SGCB: variants seen among roughly 807,000 people sequenced by gnomAD.
SGCB encodes beta-sarcoglycan.
In SGCB, 25 loss-of-function variants were observed where a neutral mutation model predicts 27.3. The observed-to-expected ratio is 0.92, with a 90% CI of 0.67 to 1.28. The LOEUF (loss-of-function observed/expected upper bound fraction) is 1.28, where lower values mean the gene tolerates loss of function less well. Among genes scored for constraint, SGCB ranks in the 50% most tolerant of loss-of-function variants. The probability of loss-of-function intolerance (pLI) is 0.00; values close to 1 mark genes in which losing one functional copy is unlikely to be tolerated. For missense variants in SGCB, 436 were observed against 402.1 expected (o/e 1.08, Z -0.72); for synonymous variants, 147 against 133.5 (o/e 1.10, Z -0.70).
rs541129158 is a variant in SGCB, at chr4:52,034,331, C to CAAAAAAAAAAAAAAA, written c.34-706_34-692dup. 1.5e-4 allele frequency among the ~76,000 whole-genome samples: 4 copies of CAAAAAAAAAAAAAAA among 26,516 alleles called. 1 individual carries two copies. The highest frequency in any genetic ancestry group is 2.9e-4 in the African/African-American group (2 of 6,992). 17.4% of individuals were successfully genotyped at this position (26,516 alleles called of 152,430 possible). A position where few individuals can be genotyped will look rare whatever the true frequency, so the allele number is the denominator to read the frequency against. ...TGGGCGACAGAGCGAGACTCCGTCT[C>CAAAAAAAAAAAAAAA]AAAAAAAAAAAAAAAAAAAAAAAAA... is the stretch of plus-strand genomic sequence containing the variant. On this transcript the variant is annotated intron_variant, in intron 1 of 5. Transcript: ENST00000381431.
Position 52,038,256 on chromosome 4 carries a change from C to T in SGCB, c.4G>A (p.Ala2Thr). 3 of 1,298,364 alleles carry T rather than the reference C, an allele frequency of 2.3e-6. No individual in the cohort carries two copies. The highest frequency in any genetic ancestry group is 6.5e-5 in the East Asian group (2 of 30,650). 80.4% of individuals were successfully genotyped at this position (1,298,364 alleles called of 1,614,324 possible). ...TCTGCAGCCGCCGCCGCCGCTGCCG[C>T]CATCTTCCCGCGCCCGCCGCCGCCG... M[A>T]AAAAAAAEQQ... The change falls in exon 1 of 6, where the codon GCG (alanine) becomes ACG (threonine). Residue 2 changes from alanine to threonine, a missense_variant. By Grantham distance (58) the Ala-to-Thr change is moderately conservative (BLOSUM62 0). Coordinates refer to ENST00000381431, the MANE Select transcript of SGCB (RefSeq NM_000232.5).
rs541129158 is a variant in SGCB, at chr4:52,034,331, C to CAAAAA, written c.34-696_34-692dup. On this transcript the variant is annotated intron_variant, in intron 1 of 5. Coordinates refer to ENST00000381431, the MANE Select transcript of SGCB (RefSeq NM_000232.5). ...TGGGCGACAGAGCGAGACTCCGTCT[C>CAAAAA]AAAAAAAAAAAAAAAAAAAAAAAAA... Among the ~76,000 whole-genome samples the CAAAAA allele has an allele frequency of 6.4e-4, 17 of 26,516 alleles. 4 individuals are homozygous for CAAAAA. Among genetic ancestry groups the CAAAAA allele is most frequent in the South Asian group, 5.5e-3 (2 of 364 alleles). 17.4% of individuals were successfully genotyped at this position (26,516 alleles called of 152,430 possible).
rs541129158 is a variant in SGCB at position 52,034,331 on chromosome 4, CAAAAAAAAAAAAAAAAAA to C, written c.34-709_34-692del. Reference sequence around the variant, plus strand: ...TGGGCGACAGAGCGAGACTCCGTCTCAAAAAAAAAAAAAAAAAAAAAAAAAAAAAAAAAAAAAAAAAAA... The same window carrying C: ...TGGGCGACAGAGCGAGACTCCGTCTCAAAAAAAAAAAAAAAAAAAAAAAAA... On this transcript the variant is annotated intron_variant, in intron 1 of 5. Transcript: ENST00000381431. Among the ~76,000 whole-genome samples the C allele has an allele frequency of 2.5e-3, 65 of 26,436 alleles. 2 individuals carry two copies. Among genetic ancestry groups the C allele is most frequent in the African/African-American group, 3.9e-3 (27 of 6,954 alleles). 17.3% of individuals were successfully genotyped at this position (26,436 alleles called of 152,430 possible).
At chr4:52,029,657 T>C in intron 3 of SGCB, 21 bp downstream of exon 3, 3 of 1,566,554 alleles carry the variant, frequency 1.9e-6, no homozygotes, top group Non-Finnish European at 2.6e-6. Context: ...TGCATTTCTT[T>C]CAGTTAATGT....
At chr4:52,036,028 G>A (rs1737382628) in intron 1 of SGCB, among the ~76,000 whole-genome samples, 1 of 152,156 alleles carries the variant, frequency 6.6e-6, no homozygotes, top group Non-Finnish European at 1.5e-5. Flanking sequence ...CCCTCAAGGA[G>A]CTTAATTACA....
chr4:52,032,674 C>T (rs1386407760), intron 2 of SGCB, among the ~76,000 whole-genome samples: 2 of 152,086 alleles, frequency 1.3e-5, no homozygotes, highest in African/African-American at 4.8e-5. Flanking sequence ...AAAAAGACTG[C>T]CTTGCATGCA....
At position 52,034,642 on chromosome 4, in the gene SGCB, G is replaced by A. The variant is rs560055672; in HGVS notation, c.34-1002C>T. Among the ~76,000 whole-genome samples the A allele has an allele frequency of 1.6e-4, 25 of 152,068 alleles. No individual in the cohort carries two copies. In the South Asian group the frequency reaches 3.7e-3, roughly 23 times the overall value. Reference sequence around the variant, plus strand: ...TCCCCCATAGATATTGAGGGACAACGGTATATATTTTCATTTATATGAAAA... The same window carrying A: ...TCCCCCATAGATATTGAGGGACAACAGTATATATTTTCATTTATATGAAAA... On this transcript the variant is annotated intron_variant, in intron 1 of 5. Coordinates refer to ENST00000381431, the MANE Select transcript of SGCB (RefSeq NM_000232.5).
intron 2 of SGCB, 101 bp downstream of exon 2, chr4:52,033,330 G>T: frequency 1.3e-6 from 1 of 755,840 alleles, no homozygotes; most frequent in South Asian, 1.5e-5. Context: ...TAAGAGACAA[G>T]ACATGTATAG....
chr4:52,034,560 A>G (rs539707150), intron 1 of SGCB, among the ~76,000 whole-genome samples: 1 of 151,984 alleles, frequency 6.6e-6, no homozygotes, highest in East Asian at 1.9e-4. Context: ...GCACCACTTT[A>G]TATAAGGGAC....
rs886059433 is a variant in SGCB, at chr4:52,022,839, C to A, written c.*1118G>T. 1 of 152,180 alleles carries A rather than the reference C, an allele frequency of 6.6e-6. No individual in the cohort carries two copies. The highest frequency in any genetic ancestry group is 1.5e-5 in the Non-Finnish European group (1 of 68,030). The allele number at this position is 152,180 out of a possible 1,614,324, so 9.4% of individuals were successfully genotyped here. A position where few individuals can be genotyped will look rare whatever the true frequency, so the allele number is the denominator to read the frequency against. On this transcript the variant is annotated 3_prime_UTR_variant, in exon 6 of 6. Coordinates refer to ENST00000381431, the MANE Select transcript of SGCB (RefSeq NM_000232.5). Reference sequence around the variant, plus strand: ...GTAACTCAGAAGTAGGTAAATTTGACCTCTCCATCGTATAATATTTTGGAA... The same window carrying A: ...GTAACTCAGAAGTAGGTAAATTTGAACTCTCCATCGTATAATATTTTGGAA...
chr4:52,034,587 T>C (rs1476945298), intron 1 of SGCB, among the ~76,000 whole-genome samples: 1 of 151,966 alleles, frequency 6.6e-6, no homozygotes, highest in Non-Finnish European at 1.5e-5. Context: ...ATCAATGGAT[T>C]TGGCTATCCT....
intron 5 of SGCB, among the ~76,000 whole-genome samples, chr4:52,024,665 A>G (rs961902705): frequency 5.3e-5 from 8 of 151,932 alleles, no homozygotes; most frequent in Non-Finnish European, 1.0e-4. Flanking sequence ...CGTCTCTACT[A>G]AAAATACAAA....
At chr4:52,031,335 T>C (rs185795268) in intron 2 of SGCB, among the ~76,000 whole-genome samples, 29 of 151,742 alleles carry the variant, frequency 1.9e-4, no homozygotes, top group South Asian at 4.2e-4. Flanking sequence ...CTTCTGTCTA[T>C]CTACCTACCT....
intron 5 of SGCB, among the ~76,000 whole-genome samples, chr4:52,026,193 A>G (rs1455306850): frequency 6.6e-6 from 1 of 151,034 alleles, no homozygotes; most frequent in East Asian, 1.9e-4. Context: ...ATTTGTTCCA[A>G]TGCTGCCATC....
chr4:52,027,849 T>G (rs760397229), intron 5 of SGCB, 119 bp downstream of exon 5: 4 of 958,636 alleles, frequency 4.2e-6, no homozygotes, highest in Non-Finnish European at 6.5e-6. Flanking sequence ...ACTTTGAACA[T>G]CTTTCCATGT....
Position 52,029,837 on chromosome 4 carries a change from A to C in SGCB, c.270T>G (p.Ile90Met). 1 of 1,613,942 alleles carries C rather than the reference A, an allele frequency of 6.2e-7. No homozygotes were observed. The highest frequency in any genetic ancestry group is 8.5e-7 in the Non-Finnish European group (1 of 1,179,820). Residue 90 changes from isoleucine (I) to methionine (M), a missense_variant, in exon 3 of 6, where the codon ATT becomes ATG. Transcript: ENST00000381431. ...TATCACAGCCATTTGGTCCAATGCG[A>C]ATCACGGCCCAAATAACAAGTGTTA... ...LIITLVIWAV[I>M]RIGPNGCDSM...
intron 2 of SGCB, among the ~76,000 whole-genome samples, chr4:52,032,794 T>C (rs974441552): frequency 6.6e-6 from 1 of 152,210 alleles, no homozygotes; most frequent in Non-Finnish European, 1.5e-5. Context: ...TATCTGTACA[T>C]GCACATGCCA....
chr4:52,030,778 T>G lies in SGCB; in HGVS notation c.244-915A>C, dbSNP rs573248202. 1.1e-4 allele frequency among the ~76,000 whole-genome samples: 17 copies of G among 152,348 alleles called. No homozygotes were observed. In the East Asian group the frequency reaches 3.3e-3, roughly 29 times the overall value. ...CTCTTCTGATAGACACCCAGTTTCC[T>G]GTATCCTCATCTTTCTTTTGGTAGA... On this transcript the variant is annotated intron_variant, in intron 2 of 5. Coordinates refer to ENST00000381431, the MANE Select transcript of SGCB (RefSeq NM_000232.5).
intron 2 of SGCB, among the ~76,000 whole-genome samples, chr4:52,032,649 G>A (rs963892422): frequency 6.6e-6 from 1 of 152,088 alleles, no homozygotes; most frequent in Non-Finnish European, 1.5e-5. Flanking sequence ...AAGTGCTTTG[G>A]ACATACATAA....
Sources: gnomAD v4.1 joint callset for allele counts (sites outside exome capture counted in the v4.1 genomes callset) on GRCh38, gnomAD v4.1.1 for gene constraint, MANE v1.5 for transcripts, NCBI Gene and HGNC (gene_info 2026-07-23, HGNC 2026-07-21) for gene names.